The following SASH1 variants were observed in gnomAD, a reference collection of about 807,000 sequenced individuals.
SASH1 encodes SAM and SH3 domain-containing protein 1.
SASH1 carries 44 observed loss-of-function variants against 125.2 expected under a neutral mutation model. The ratio of observed to expected loss-of-function variants is 0.35; its 90% CI spans 0.28 to 0.45. The LOEUF is 0.45. Among genes scored for constraint, SASH1 ranks in the 20% least tolerant of loss-of-function variants. SASH1 has a pLI of 1.00. For missense variants in SASH1, 1,426 were observed against 1,614.5 expected, an observed-to-expected ratio of 0.88 and a Z score of 2.00; for synonymous variants, 639 against 649.1, an observed-to-expected ratio of 0.98 and a Z score of 0.24.
chr6:148,340,124 A>G (rs1188886263), upstream of SASH1, among the ~76,000 whole-genome samples: 1 of 152,142 alleles, frequency 6.6e-6, no homozygotes, highest in South Asian at 2.1e-4. Context: ...TATTTGCTGG[A>G]AAGTGTTTAT....
At chr6:148,467,587 T>G (rs1371058115) in intron 4 of SASH1, among the ~76,000 whole-genome samples, 1 of 152,126 alleles carries the variant, frequency 6.6e-6, no homozygotes, top group Non-Finnish European at 1.5e-5. Context: ...GGACACATGT[T>G]TAAAAACATT....
upstream of SASH1, among the ~76,000 whole-genome samples, chr6:148,339,711 A>C (rs528493273): frequency 2.3e-3 from 232 of 100,434 alleles, 1 homozygote; most frequent in African/African-American, 8.5e-3. Flanking sequence ...TGCCTGGCTA[A>C]GTTTTATATT....
At chr6:148,211,932 G>A in the SASH1 span, among the ~76,000 whole-genome samples, 1 of 152,198 alleles carries the variant, frequency 6.6e-6, no homozygotes, top group Non-Finnish European at 1.5e-5. Flanking sequence ...AGGAGTGCTG[G>A]CCTCAAGAGG....
At chr6:148,427,212 G>C (rs1370614702) in intron 2 of SASH1, among the ~76,000 whole-genome samples, 9 of 151,954 alleles carry the variant, frequency 5.9e-5, no homozygotes, top group Admixed American at 5.9e-4. Flanking sequence ...GAGGATTCTG[G>C]GGATAGCCAC....
chr6:148,408,814 G>A (rs1337314681), intron 2 of SASH1, among the ~76,000 whole-genome samples: 2 of 152,102 alleles, frequency 1.3e-5, no homozygotes, highest in Non-Finnish European at 2.9e-5. Flanking sequence ...TTACGTTTAG[G>A]CCTCTGATCC....
chr6:148,467,939 A>C (rs9498045), intron 4 of SASH1, among the ~76,000 whole-genome samples: 58,877 of 152,128 alleles, frequency 0.39, 11,952 homozygotes, highest in African/African-American at 0.49. Context: ...TGTCTCAAAA[A>C]AAAAAATGCA....
At chr6:148,441,653 C>T (rs1280856211) in intron 4 of SASH1, among the ~76,000 whole-genome samples, 1 of 152,124 alleles carries the variant, frequency 6.6e-6, no homozygotes, top group Non-Finnish European at 1.5e-5. Flanking sequence ...TATTATGTGC[C>T]ATGATTCAGG....
intron 1 of SASH1, among the ~76,000 whole-genome samples, chr6:148,302,409 C>G (rs1447043931): frequency 6.7e-6 from 1 of 149,628 alleles, no homozygotes; most frequent in Non-Finnish European, 1.5e-5. Context: ...AATTGCCTAC[C>G]ATTTTAACAT....
chr6:148,520,227 C>G (rs1352038284), intron 10 of SASH1: 1 of 253,534 alleles, frequency 3.9e-6, no homozygotes, highest in Admixed American at 5.0e-5. Flanking sequence ...CCTGACCCAG[C>G]TAGTGCGGCC....
At chr6:148,413,311 G>A (rs966173540) in intron 2 of SASH1, among the ~76,000 whole-genome samples, 3 of 152,174 alleles carry the variant, frequency 2.0e-5, no homozygotes, top group East Asian at 1.9e-4. Flanking sequence ...ATTGCTGCTG[G>A]CTGAGCAAAG....
chr6:148,328,053 T>G (rs1037263803), intron 1 of SASH1, among the ~76,000 whole-genome samples: 1 of 152,114 alleles, frequency 6.6e-6, no homozygotes, highest in Non-Finnish European at 1.5e-5. Flanking sequence ...GTTTAAGGGA[T>G]GGGGTCTCAC....
At chr6:148,320,263 G>A (rs1254117159) in intron 1 of SASH1, among the ~76,000 whole-genome samples, 1 of 152,198 alleles carries the variant, frequency 6.6e-6, no homozygotes, top group Non-Finnish European at 1.5e-5. Context: ...CGCAGAGCCT[G>A]TGGAAAGATC....
At chr6:148,449,977 T>A (rs1583180094) in intron 4 of SASH1, among the ~76,000 whole-genome samples, 1 of 152,224 alleles carries the variant, frequency 6.6e-6, no homozygotes, top group African/African-American at 2.4e-5. Flanking sequence ...AGCAAACCAT[T>A]CGTGAGGGAT....
intron 2 of SASH1, among the ~76,000 whole-genome samples, chr6:148,411,636 C>T (rs933230416): frequency 1.3e-5 from 2 of 152,068 alleles, no homozygotes; most frequent in African/African-American, 2.4e-5. Context: ...CTTTGCCTCC[C>T]GGGTTCAAGC....
At chr6:148,450,621 T>A (rs1777051940) in intron 4 of SASH1, among the ~76,000 whole-genome samples, 1 of 152,036 alleles carries the variant, frequency 6.6e-6, no homozygotes, top group Admixed American at 6.5e-5. Context: ...GTTGTTAACA[T>A]CATCATAACG....
chr6:148,388,684 G>A (rs1458132995), intron 1 of SASH1, among the ~76,000 whole-genome samples: 1 of 152,208 alleles, frequency 6.6e-6, no homozygotes, highest in African/African-American at 2.4e-5. Context: ...TCCTTGCTCT[G>A]CCCCAGGCCT....
At chr6:148,520,512 A>C (rs1358670486) in intron 10 of SASH1, 2 of 152,628 alleles carry the variant, frequency 1.3e-5, no homozygotes, top group Non-Finnish European at 2.9e-5. Context: ...GGCACATCCC[A>C]CCATCACCTT....
At chr6:148,410,099 CTTTTTTTTTTT>C (rs869081496) in intron 2 of SASH1, among the ~76,000 whole-genome samples, 6 of 55,710 alleles carry the variant, frequency 1.1e-4, no homozygotes, top group Non-Finnish European at 2.0e-4. Context: ...CAGAGCAGTC[CTTTTTTTTTTT>C]TTTTTTTTTT....
At chr6:148,229,469 C>A in the SASH1 span, among the ~76,000 whole-genome samples, 1 of 152,010 alleles carries the variant, frequency 6.6e-6, no homozygotes, top group Admixed American at 6.6e-5. Context: ...TAAAAATGAT[C>A]CCAGTCCTAA....
Sources: allele counts gnomAD v4.1 joint callset (sites outside exome capture counted in the v4.1 genomes callset), GRCh38; gene constraint gnomAD v4.1.1; transcripts MANE v1.5; gene names NCBI Gene and HGNC (gene_info 2026-07-23, HGNC 2026-07-21).